Variants in ATP8A1 observed in about 807,000 individuals in gnomAD.
The protein encoded by ATP8A1 is phospholipid-transporting ATPase IA.
In ATP8A1, 90 loss-of-function variants were observed where a neutral mutation model predicts 177.7. That is an observed-to-expected ratio of 0.51 (90% CI 0.43 to 0.60). The LOEUF is 0.60. Among genes scored for constraint, ATP8A1 ranks in the 20% least tolerant of loss-of-function variants. The pLI is 0.00. For missense variants in ATP8A1, 1,072 were observed against 1,392.8 expected, an observed-to-expected ratio of 0.77 and a Z score of 3.67; for synonymous variants, 493 against 485.9, an observed-to-expected ratio of 1.01 and a Z score of -0.19.
At chr4:42,576,378 AG>A in intron 12 of ATP8A1, among the ~76,000 whole-genome samples, 1 of 143,412 alleles carries the variant, frequency 7.0e-6, no homozygotes, top group African/African-American at 2.6e-5. Flanking sequence ...GTGGAGGCTG[AG>A]GCAGGAGAAT....
At chr4:42,527,645 C>T (rs1004114221) in intron 20 of ATP8A1, among the ~76,000 whole-genome samples, 1 of 152,182 alleles carries the variant, frequency 6.6e-6, no homozygotes, top group Non-Finnish European at 1.5e-5. Context: ...AAAGTCCCAG[C>T]GAGTCCCTAG....
At chr4:42,548,958 T>C in intron 19 of ATP8A1, 55 bp downstream of exon 19, 2 of 1,387,778 alleles carry the variant, frequency 1.4e-6, no homozygotes, top group South Asian at 1.3e-5. Flanking sequence ...AGGGAAAAAA[T>C]AAAAATGGAT....
chr4:42,467,784 G>A lies in ATP8A1; in HGVS notation c.2325-2708C>T, dbSNP rs575858661. Reference sequence around the variant, plus strand: ...AGTGATGTCAAGCATTTTTTCATATGTTTGTTGGCCATCTGTATATCTTGA... The same window carrying A: ...AGTGATGTCAAGCATTTTTTCATATATTTGTTGGCCATCTGTATATCTTGA... On this transcript the variant is annotated intron_variant, in intron 25 of 36. Transcript: ENST00000381668. Among the ~76,000 whole-genome samples the A allele has an allele frequency of 1.2e-4, 19 of 152,270 alleles. No individual in the cohort carries two copies. In the South Asian group the frequency reaches 3.5e-3, roughly 28 times the overall value.
At chr4:42,522,013 CT>C in intron 22 of ATP8A1, 146 bp downstream of exon 22, 1 of 860,360 alleles carries the variant, frequency 1.2e-6, no homozygotes, top group Non-Finnish European at 1.7e-6. Flanking sequence ...CATATTAATA[CT>C]TGTTAATGCT....
chr4:42,655,693 T>G (rs1196335011), intron 1 of ATP8A1, among the ~76,000 whole-genome samples: 2 of 152,246 alleles, frequency 1.3e-5, no homozygotes, highest in Non-Finnish European at 2.9e-5. Context: ...CACAGCAGTT[T>G]CATTTAATAT....
intron 34 of ATP8A1, 25 bp from the exon 35 acceptor site, chr4:42,422,924 T>A: frequency 6.4e-7 from 1 of 1,567,362 alleles, no homozygotes; most frequent in Admixed American, 1.7e-5. Context: ...AAAAAGGGAT[T>A]TGCATGGAAA....
chr4:42,549,147 T>A (rs3811769), intron 18 of ATP8A1, 85 bp from the exon 19 acceptor site: 792 of 1,104,030 alleles, frequency 7.2e-4, no homozygotes, highest in Non-Finnish European at 6.4e-4. Flanking sequence ...AAAATTTTAC[T>A]GTAAAAAATG....
At chr4:42,599,970 C>T (rs1011343306) in intron 6 of ATP8A1, among the ~76,000 whole-genome samples, 1 of 152,116 alleles carries the variant, frequency 6.6e-6, no homozygotes, top group Non-Finnish European at 1.5e-5. Context: ...CTACTAACTG[C>T]CATGTTAGAG....
rs1013681650 is a variant in ATP8A1, at chr4:42,409,008, A to G, written c.*3908T>C. 6.6e-6 allele frequency: 1 copy of G among 152,226 alleles called. No individual in the cohort carries two copies. The highest frequency in any genetic ancestry group is 1.5e-5 in the Non-Finnish European group (1 of 68,030). 9.4% of individuals were successfully genotyped at this position (152,226 alleles called of 1,614,324 possible). ...AAAAGTTCTTAGAGGCAAGCTAAACAAAAGATTCAATTAAATTTGTTCAAA... is the reference window on the plus strand; with the variant it reads ...AAAAGTTCTTAGAGGCAAGCTAAACGAAAGATTCAATTAAATTTGTTCAAA... On this transcript the variant is annotated 3_prime_UTR_variant, in exon 37 of 37. Coordinates refer to ENST00000381668, the MANE Select transcript of ATP8A1 (RefSeq NM_006095.2).
intron 18 of ATP8A1, among the ~76,000 whole-genome samples, chr4:42,550,755 T>C (rs149901938): frequency 3.1e-4 from 47 of 152,354 alleles, no homozygotes; most frequent in African/African-American, 1.1e-3. Flanking sequence ...GTCTTAATTG[T>C]ATCTCCCCAA....
chr4:42,418,500 G>C (rs1038045267), intron 35 of ATP8A1, among the ~76,000 whole-genome samples: 1 of 152,016 alleles, frequency 6.6e-6, no homozygotes, highest in Admixed American at 6.6e-5. Context: ...CTAAGATTTG[G>C]GTTATTTTAC....
intron 22 of ATP8A1, among the ~76,000 whole-genome samples, chr4:42,509,849 CAA>C (rs751055015): frequency 0.15 from 11,968 of 78,676 alleles, 744 homozygotes; most frequent in African/African-American, 0.33. Context: ...GAGACAGTCT[CAA>C]AAAAAAAAAA....
intron 33 of ATP8A1, among the ~76,000 whole-genome samples, chr4:42,427,122 A>G (rs13144127): frequency 0.37 from 56,217 of 151,874 alleles, 10,619 homozygotes; most frequent in African/African-American, 0.43. Flanking sequence ...GCTTTATATA[A>G]AAGGCTTCCA....
At chr4:42,440,123 A>G (rs1716457807) in intron 33 of ATP8A1, among the ~76,000 whole-genome samples, 1 of 152,144 alleles carries the variant, frequency 6.6e-6, no homozygotes, top group Non-Finnish European at 1.5e-5. Context: ...GTCTCCTCAC[A>G]TCCAACCTGT....
chr4:42,556,779 T>C (rs563575546), intron 15 of ATP8A1, among the ~76,000 whole-genome samples: 1 of 152,192 alleles, frequency 6.6e-6, no homozygotes, highest in Admixed American at 6.5e-5. Flanking sequence ...CAAGTGGGAA[T>C]GTCAAAAGAA....
intron 27 of ATP8A1, among the ~76,000 whole-genome samples, chr4:42,464,115 C>T (rs1395073849): frequency 1.3e-5 from 2 of 151,344 alleles, no homozygotes; most frequent in African/African-American, 4.9e-5. Flanking sequence ...AAAATGCAGT[C>T]AAGTTTATAG....
At chr4:42,544,996 C>A (rs1728750144) in intron 19 of ATP8A1, among the ~76,000 whole-genome samples, 1 of 151,788 alleles carries the variant, frequency 6.6e-6, no homozygotes, top group Admixed American at 6.6e-5. Flanking sequence ...CCTGTCTCTA[C>A]TAAAAATACA....
At chr4:42,482,728 A>C (rs1046833126) in intron 25 of ATP8A1, among the ~76,000 whole-genome samples, 1 of 152,180 alleles carries the variant, frequency 6.6e-6, no homozygotes, top group Non-Finnish European at 1.5e-5. Flanking sequence ...AATCCTGATG[A>C]TGGAACTAAC....
Position 42,475,908 on chromosome 4 carries a change from G to A in ATP8A1, c.2324+9588C>T, listed in dbSNP as rs571419660. On this transcript the variant is annotated intron_variant, in intron 25 of 36. Transcript: ENST00000381668. ...ACAAAAGTTAGCTGGGTGTGGTGGC[G>A]GGCGCCTGTAATCCCAGCTACTCGG... Among the ~76,000 whole-genome samples, 18 of 152,048 alleles carry A rather than the reference G, an allele frequency of 1.2e-4. No individual in the cohort carries two copies. In the South Asian group the frequency reaches 1.7e-3, roughly 14 times the overall value.
Sources: allele counts gnomAD v4.1 joint callset (sites outside exome capture counted in the v4.1 genomes callset), GRCh38; gene constraint gnomAD v4.1.1; transcripts MANE v1.5; gene names NCBI Gene and HGNC (gene_info 2026-07-23, HGNC 2026-07-21).